Variants in CTBP2 observed in about 807,000 individuals in gnomAD.
CTBP2 encodes C-terminal binding protein 2, also known as C-terminal-binding protein 2.
In CTBP2, 30 loss-of-function variants were observed where a neutral mutation model predicts 80.3. The observed-to-expected ratio is 0.37, with a 90% CI of 0.28 to 0.51. CTBP2 has a LOEUF of 0.51. CTBP2 is among the 20% of genes least tolerant of loss of function. CTBP2 has a pLI of 0.93. For synonymous variants in CTBP2, 594 were observed against 587.4 expected, an observed-to-expected ratio of 1.01 and a Z score of -0.16; for missense variants, 1,212 against 1,375.3, an observed-to-expected ratio of 0.88 and a Z score of 1.88.
At chr10:125,014,238 T>C (rs1956241482) in intron 1 of CTBP2, among the ~76,000 whole-genome samples, 1 of 152,206 alleles carries the variant, frequency 6.6e-6, no homozygotes, top group Admixed American at 6.5e-5. Context: ...CAGGCATTCA[T>C]GGCCCCGGTG....
At chr10:125,156,286 C>G (rs1179801418) in intron 1 of CTBP2, among the ~76,000 whole-genome samples, 1 of 152,184 alleles carries the variant, frequency 6.6e-6, no homozygotes, top group African/African-American at 2.4e-5. Flanking sequence ...GATAGATTAA[C>G]AGAGGGACCC....
intron 2 of CTBP2, among the ~76,000 whole-genome samples, chr10:125,093,331 T>C (rs1152675): frequency 0.032 from 4,821 of 152,314 alleles, 245 homozygotes; most frequent in African/African-American, 0.11. Context: ...CACTGAAGAA[T>C]TCCAGCGGCC....
At chr10:125,043,789 T>C (rs1334882164) in intron 2 of CTBP2, among the ~76,000 whole-genome samples, 2 of 152,200 alleles carry the variant, frequency 1.3e-5, no homozygotes, top group Non-Finnish European at 2.9e-5. Flanking sequence ...AATAGGCAGC[T>C]GAAGGGATTT....
At chr10:125,001,986 C>T (rs1954580429) in intron 3 of CTBP2, among the ~76,000 whole-genome samples, 1 of 152,214 alleles carries the variant, frequency 6.6e-6, no homozygotes, top group Non-Finnish European at 1.5e-5. Flanking sequence ...GCCCATCTGA[C>T]ACCCAGCCCG....
chr10:125,022,225 T>C (rs58102404), intron 1 of CTBP2, among the ~76,000 whole-genome samples: 3,676 of 152,280 alleles, frequency 0.024, 140 homozygotes, highest in African/African-American at 0.083. Flanking sequence ...GTAGGGACGC[T>C]CTTCCAAGCA....
Position 125,066,845 on chromosome 10 carries a change from C to T in CTBP2, c.-101-27690G>A, listed in dbSNP as rs1007954819. ...ATGCCTCAGGGTGAACTCGAGAATC[C>T]AGAAGTCTCCAGGGAAGCCCAGTGT... On this transcript the variant is annotated intron_variant, in intron 2 of 10. Transcript: ENST00000337195. This position sits in a 1 kb window ranked among gnomAD's most constrained non-coding sequence, Gnocchi z 4.1. Among the ~76,000 whole-genome samples, 1 of 152,142 alleles carries T rather than the reference C, an allele frequency of 6.6e-6. No individual in the cohort carries two copies. Among genetic ancestry groups the T allele is most frequent in the Non-Finnish European group, 1.5e-5 (1 of 68,022 alleles).
At chr10:125,085,894 G>A (rs1332149318) in intron 2 of CTBP2, among the ~76,000 whole-genome samples, 1 of 152,216 alleles carries the variant, frequency 6.6e-6, no homozygotes, top group Non-Finnish European at 1.5e-5. Flanking sequence ...AACGCCCAGT[G>A]CCTTCGTGGT....
chr10:125,005,955 C>A, intron 1 of CTBP2: 1 of 1,488,080 alleles, frequency 6.7e-7, no homozygotes, highest in East Asian at 2.3e-5. Context: ...CCACGCTGGG[C>A]GCAAGGTGGG....
intron 1 of CTBP2, among the ~76,000 whole-genome samples, chr10:125,015,720 C>T (rs1442649853): frequency 1.3e-5 from 2 of 152,200 alleles, no homozygotes; most frequent in Admixed American, 1.3e-4. Context: ...GAACAGCTCT[C>T]AAGTTCTAAA....
intron 1 of CTBP2, among the ~76,000 whole-genome samples, chr10:125,127,700 T>C (rs1022148327): frequency 1.3e-5 from 2 of 152,178 alleles, no homozygotes; most frequent in African/African-American, 4.8e-5. Context: ...CCATGGTTGG[T>C]GGTAGAGCAC....
chr10:125,003,006 T>A lies in CTBP2; in HGVS notation c.1932A>T (p.Ile644=). The A allele has an allele frequency of 2.5e-6, 4 of 1,613,928 alleles. No individual in the cohort carries two copies. The highest frequency in any genetic ancestry group is 3.4e-6 in the Non-Finnish European group (4 of 1,180,012). ...TGTCCACGTTGTCATAGCCACTGCC[T>A]ATCCGCACGATCACTCTCAGGGCCT... Residue 644 remains isoleucine, a synonymous_variant, in exon 3 of 9, where the codon ATA becomes ATT. Transcript: ENST00000309035.
intron 2 of CTBP2, among the ~76,000 whole-genome samples, chr10:125,072,634 G>GAAAAAAAAAAAAAAA (rs55742060): frequency 2.4e-4 from 24 of 100,142 alleles, no homozygotes; most frequent in South Asian, 3.5e-4. Context: ...AAAAAGAAAA[G>GAAAAAAAAAAAAAAA]AAAAAAAAAA....
At chr10:125,117,126 C>A (rs565672612) in intron 1 of CTBP2, among the ~76,000 whole-genome samples, 1 of 152,220 alleles carries the variant, frequency 6.6e-6, no homozygotes, top group Admixed American at 6.5e-5. Context: ...TCCCACAAGG[C>A]GACATCCCGC....
intron 1 of CTBP2, among the ~76,000 whole-genome samples, chr10:125,158,911 T>TGC (rs1464533688): frequency 6.6e-6 from 1 of 150,814 alleles, no homozygotes; most frequent in Admixed American, 6.6e-5. Flanking sequence ...AGGGAGTGTG[T>TGC]GCGCGCGTGT....
intron 1 of CTBP2, among the ~76,000 whole-genome samples, chr10:125,008,246 C>A (rs151105262): frequency 6.6e-6 from 1 of 152,120 alleles, no homozygotes; most frequent in East Asian, 1.9e-4. Flanking sequence ...CGTGCCTGGC[C>A]GGCTCTGGCC....
intron 4 of CTBP2, 31 bp downstream of exon 6, chr10:124,997,933 G>A: frequency 1.3e-6 from 2 of 1,594,088 alleles, no homozygotes; most frequent in Middle Eastern, 1.9e-4. Context: ...TGTCGGAGGG[G>A]TTGGGGGTCA....
intron 2 of CTBP2, among the ~76,000 whole-genome samples, chr10:125,057,045 C>T (rs914166837): frequency 1.3e-5 from 2 of 152,244 alleles, no homozygotes; most frequent in East Asian, 1.9e-4. Flanking sequence ...CCTCTCTGCC[C>T]TCTGGGTTGG....
chr10:125,005,926 T>C (rs867257165), intron 1 of CTBP2: 26 of 1,505,226 alleles, frequency 1.7e-5, no homozygotes, highest in Non-Finnish European at 2.2e-5. Context: ...GTTCGTTAAA[T>C]GGTAGCCACA....
intron 1 of CTBP2, among the ~76,000 whole-genome samples, chr10:125,111,843 C>A (rs1852340073): frequency 6.6e-6 from 1 of 152,204 alleles, no homozygotes; most frequent in Non-Finnish European, 1.5e-5. Flanking sequence ...GGAAGGCAGA[C>A]AACCTGTGCA....
Sources: allele counts gnomAD v4.1 joint callset (sites outside exome capture counted in the v4.1 genomes callset), GRCh38; gene constraint gnomAD v4.1.1; non-coding constraint Gnocchi (gnomAD v3.1); transcripts MANE v1.5; gene names NCBI Gene and HGNC (gene_info 2026-07-23, HGNC 2026-07-21).